The following CBLN2 variants were observed in gnomAD, a reference collection of about 807,000 sequenced individuals.
CBLN2 encodes the protein cerebellin-2.
In CBLN2, 7 loss-of-function variants were observed where a neutral mutation model predicts 15.0. That is an observed-to-expected ratio of 0.47 (90% CI 0.27 to 0.88). The LOEUF is 0.88. Among genes scored for constraint, CBLN2 ranks in the 40% least tolerant of loss-of-function variants. The pLI is 0.14. For synonymous variants in CBLN2, 149 were observed against 135.2 expected (o/e 1.10, Z -0.71); for missense variants, 242 against 304.5 (o/e 0.79, Z 1.53).
At chr18:72,559,029 T>C (rs1231897691) in intron 1 of CBLN2, among the ~76,000 whole-genome samples, 1 of 152,186 alleles carries the variant, frequency 6.6e-6, no homozygotes, top group Admixed American at 6.5e-5. Context: ...CACTCCAGCC[T>C]GGGCAATGGG....
intron 1 of CBLN2, among the ~76,000 whole-genome samples, chr18:72,637,297 C>T (rs2069820221): frequency 6.7e-6 from 1 of 149,638 alleles, no homozygotes; most frequent in African/African-American, 2.4e-5. Context: ...AAAAAAATGG[C>T]CCTCCTACGT....
chr18:72,561,943 T>A (rs144715492), intron 1 of CBLN2, among the ~76,000 whole-genome samples: 2,070 of 152,258 alleles, frequency 0.014, 20 homozygotes, highest in Non-Finnish European at 0.021. Context: ...TGGCAGGTGG[T>A]CTATGTGATA....
chr18:72,625,810 CTCTCTCTCTATATATA>C (rs1309400787), intron 1 of CBLN2, among the ~76,000 whole-genome samples: 812 of 67,712 alleles, frequency 0.012, 6 homozygotes, highest in Middle Eastern at 0.034. Context: ...CTCTCTCTCT[CTCTCTCTCTATATATA>C]TATATATATA....
chr18:72,551,588 T>C (rs989598950), intron 1 of CBLN2, among the ~76,000 whole-genome samples: 1 of 152,174 alleles, frequency 6.6e-6, no homozygotes, highest in Non-Finnish European at 1.5e-5. Context: ...CACTGAAGTC[T>C]ATATGTCTGC....
intron 1 of CBLN2, among the ~76,000 whole-genome samples, chr18:72,633,766 C>A (rs1423727044): frequency 2.0e-5 from 3 of 152,120 alleles, no homozygotes; most frequent in Non-Finnish European, 4.4e-5. Context: ...ATTTAAACTG[C>A]AAATTGAATT....
chr18:72,569,049 A>G lies in CBLN2; in HGVS notation c.16-30277T>C, dbSNP rs1201720534. ...ATTTGTTTCACTTGTTAATGCAGAC[A>G]TTCATGTTGAAACTTCTTTTGGAAA... is the stretch of plus-strand genomic sequence containing the variant. On this transcript the variant is annotated intron_variant, in intron 1 of 2. Coordinates refer to the CBLN2 transcript ENST00000581073. 2.0e-5 allele frequency among the ~76,000 whole-genome samples: 3 copies of G among 152,202 alleles called. No individual in the cohort carries two copies. The East Asian group carries it at 5.8e-4, about 29-fold the overall frequency.
chr18:72,577,280 A>G (rs776899793), intron 1 of CBLN2, among the ~76,000 whole-genome samples: 1 of 151,922 alleles, frequency 6.6e-6, no homozygotes, highest in African/African-American at 2.4e-5. Flanking sequence ...TCTTTTAAAA[A>G]CTAATTTGCC....
chr18:72,611,072 T>C (rs2069618767), intron 1 of CBLN2, among the ~76,000 whole-genome samples: 1 of 152,184 alleles, frequency 6.6e-6, no homozygotes, highest in Non-Finnish European at 1.5e-5. Context: ...GAACATTATT[T>C]CATATTTTTT....
At chr18:72,595,103 T>A (rs2069504539) in intron 1 of CBLN2, among the ~76,000 whole-genome samples, 1 of 152,040 alleles carries the variant, frequency 6.6e-6, no homozygotes, top group Admixed American at 6.6e-5. Flanking sequence ...CTTTTCTAAT[T>A]CTTTAAGATG....
In CBLN2 at chr18:72,623,699, A is replaced by G. The variant is rs1027078552; in HGVS notation, c.15+14626T>C. On this transcript the variant is annotated intron_variant, in intron 1 of 2. Transcript: ENST00000581073. ...ACTAATGTAGTTTGAAGAAATGCTC[A>G]GGACATGCATGCCCTCATATGAGAG... Among the ~76,000 whole-genome samples, 5 of 152,178 alleles carry G rather than the reference A, an allele frequency of 3.3e-5. 1 individual carries two copies. Among genetic ancestry groups the G allele is most frequent in the Non-Finnish European group, 7.3e-5 (5 of 68,038 alleles).
At chr18:72,604,814 T>A (rs2069572969) in intron 1 of CBLN2, among the ~76,000 whole-genome samples, 1 of 152,240 alleles carries the variant, frequency 6.6e-6, no homozygotes, top group South Asian at 2.1e-4. Flanking sequence ...ACCTTGGACT[T>A]CACAGCCTCC....
intron 1 of CBLN2, among the ~76,000 whole-genome samples, chr18:72,603,071 A>T (rs1359604916): frequency 6.6e-6 from 1 of 152,262 alleles, no homozygotes; most frequent in East Asian, 1.9e-4. Context: ...CACTGAGAGG[A>T]TTAAATGGTA....
At chr18:72,624,831 T>A (rs984115162) in intron 1 of CBLN2, among the ~76,000 whole-genome samples, 1 of 152,210 alleles carries the variant, frequency 6.6e-6, no homozygotes, top group Non-Finnish European at 1.5e-5. Context: ...TTACTTTACA[T>A]ACTATTTAAA....
chr18:72,636,278 C>T (rs928828534), intron 1 of CBLN2, among the ~76,000 whole-genome samples: 2 of 152,142 alleles, frequency 1.3e-5, no homozygotes, highest in African/African-American at 2.4e-5. Flanking sequence ...CATAAGCAAG[C>T]ATCTATTTTC....
At chr18:72,625,951 A>T (rs967183149) in intron 1 of CBLN2, among the ~76,000 whole-genome samples, 1 of 151,162 alleles carries the variant, frequency 6.6e-6, no homozygotes, top group Non-Finnish European at 1.5e-5. Context: ...AGTTGTGCAG[A>T]AAGCACAATT....
Position 72,541,945 on chromosome 18 carries a change from C to T in CBLN2, c.216G>A (p.Pro72=). The change falls in exon 3 of 5, where the codon CCG becomes CCA. Residue 72 remains proline, a synonymous_variant. Transcript: ENST00000269503. ...GKCLVVCDSS[P]SADGAVTSSL... ...AGGAGGTGACGGCGCCGTCCGCCGA[C>T]GGGCTGGAGTCGCACACCACCAGGC... The T allele has an allele frequency of 6.2e-7, 1 of 1,607,762 alleles. No homozygotes were observed. Among genetic ancestry groups the T allele is most frequent in the Non-Finnish European group, 8.5e-7 (1 of 1,179,494 alleles).
intron 1 of CBLN2, among the ~76,000 whole-genome samples, chr18:72,637,053 A>AAAC (rs2069817939): frequency 6.6e-6 from 1 of 151,986 alleles, no homozygotes. Flanking sequence ...AAAAAAAAAA[A>AAAC]AACCCAGTTG....
At chr18:72,561,492 C>T (rs2069261165) in intron 1 of CBLN2, among the ~76,000 whole-genome samples, 1 of 152,070 alleles carries the variant, frequency 6.6e-6, no homozygotes, top group Admixed American at 6.5e-5. Flanking sequence ...CCTCTGTCCC[C>T]TCCAATTGAA....
intron 1 of CBLN2, among the ~76,000 whole-genome samples, chr18:72,581,844 G>A (rs1447022169): frequency 6.6e-6 from 1 of 152,098 alleles, no homozygotes; most frequent in Non-Finnish European, 1.5e-5. Flanking sequence ...TTATTTGCCT[G>A]TTTAATCGAT....
Sources: gnomAD v4.1 joint callset for allele counts (sites outside exome capture counted in the v4.1 genomes callset) on GRCh38, gnomAD v4.1.1 for gene constraint, MANE v1.5 for transcripts, NCBI Gene and HGNC (gene_info 2026-07-23, HGNC 2026-07-21) for gene names.